Variants in RPSA2 observed in about 807,000 individuals in gnomAD.
The protein encoded by RPSA2 is small ribosomal subunit protein uS2B.
chr19:23,829,611 A>T, the RPSA2 span, among the ~76,000 whole-genome samples: 3 of 152,206 alleles, frequency 2.0e-5, no homozygotes, highest in African/African-American at 7.2e-5. Flanking sequence ...TCTTTTGTGT[A>T]TTTATACAAA....
chr19:23,869,703 A>T, the RPSA2 span, among the ~76,000 whole-genome samples: 1 of 151,972 alleles, frequency 6.6e-6, no homozygotes, highest in Admixed American at 6.6e-5. Flanking sequence ...GCTTTAGCAC[A>T]CCTCTTCCTC....
chr19:23,847,291 G>T, the RPSA2 span, among the ~76,000 whole-genome samples: 6 of 150,024 alleles, frequency 4.0e-5, no homozygotes, highest in East Asian at 9.8e-4. Flanking sequence ...TTTTATATTG[G>T]TTTTCAGATT....
At chr19:23,817,040 A>G in the RPSA2 span, among the ~76,000 whole-genome samples, 1 of 151,288 alleles carries the variant, frequency 6.6e-6, no homozygotes, top group East Asian at 1.9e-4. Context: ...GACAACTTCA[A>G]TTGAATATAA....
the RPSA2 span, among the ~76,000 whole-genome samples, chr19:23,830,079 T>C: frequency 6.6e-6 from 1 of 151,546 alleles, no homozygotes; most frequent in African/African-American, 2.4e-5. Flanking sequence ...GCAGGATAGA[T>C]TCACTGATGG....
At chr19:23,822,808 A>AG in the RPSA2 span, among the ~76,000 whole-genome samples, 17 of 152,074 alleles carry the variant, frequency 1.1e-4, no homozygotes, top group African/African-American at 3.9e-4. Context: ...GTGCATAGGG[A>AG]GGAGGGGTTT....
chr19:23,789,779 G>A, the RPSA2 span, among the ~76,000 whole-genome samples: 1 of 151,268 alleles, frequency 6.6e-6, no homozygotes, highest in Non-Finnish European at 1.5e-5. Flanking sequence ...GCACACTCTC[G>A]GCTAACTGCA....
chr19:23,827,393 T>A, the RPSA2 span: 2 of 1,466,098 alleles, frequency 1.4e-6, no homozygotes, highest in Non-Finnish European at 1.9e-6. Context: ...CAGTGTTATA[T>A]CCTCCAGGAA....
chr19:23,806,220 T>G, the RPSA2 span, among the ~76,000 whole-genome samples: 1 of 151,948 alleles, frequency 6.6e-6, no homozygotes, highest in African/African-American at 2.4e-5. Flanking sequence ...AATTTTTGTA[T>G]TTTTAGTAGA....
the RPSA2 span, among the ~76,000 whole-genome samples, chr19:23,822,500 G>A: frequency 1.3e-5 from 2 of 152,130 alleles, no homozygotes; most frequent in Non-Finnish European, 2.9e-5. Flanking sequence ...TGTAGGAGGG[G>A]GTATGATGTT....
chr19:23,812,094 C>T, the RPSA2 span, among the ~76,000 whole-genome samples: 2 of 152,108 alleles, frequency 1.3e-5, no homozygotes, highest in Non-Finnish European at 2.9e-5. Context: ...ATGTTGCCAA[C>T]TAGATTTTAT....
the RPSA2 span, among the ~76,000 whole-genome samples, chr19:23,855,113 C>T: frequency 6.6e-6 from 1 of 152,164 alleles, no homozygotes; most frequent in Non-Finnish European, 1.5e-5. Context: ...AGCTCTCATA[C>T]ACAACTTTGT....
the RPSA2 span, among the ~76,000 whole-genome samples, chr19:23,856,907 G>A: frequency 5.9e-5 from 9 of 152,144 alleles, no homozygotes; most frequent in South Asian, 2.1e-4. Flanking sequence ...TCTATGTTCA[G>A]CGGTGCACGT....
At chr19:23,841,863 G>T in the RPSA2 span, among the ~76,000 whole-genome samples, 3 of 152,174 alleles carry the variant, frequency 2.0e-5, no homozygotes, top group Non-Finnish European at 4.4e-5. Context: ...ACTGAGTCAG[G>T]CTGAACCAGA....
chr19:23,822,125 G>T, the RPSA2 span, among the ~76,000 whole-genome samples: 1 of 152,136 alleles, frequency 6.6e-6, no homozygotes, highest in Non-Finnish European at 1.5e-5. Flanking sequence ...CATAAAACTG[G>T]CTAGGGCTCC....
At chr19:23,778,357 C>G in the RPSA2 span, among the ~76,000 whole-genome samples, 1 of 152,140 alleles carries the variant, frequency 6.6e-6, no homozygotes, top group African/African-American at 2.4e-5. Context: ...GGATTACAGG[C>G]CTGCACCACC....
At chr19:23,807,240 G>C in the RPSA2 span, among the ~76,000 whole-genome samples, 1 of 152,038 alleles carries the variant, frequency 6.6e-6, no homozygotes, top group African/African-American at 2.4e-5. Flanking sequence ...TTGTTTACAG[G>C]CCAGAAAAAC....
the RPSA2 span, among the ~76,000 whole-genome samples, chr19:23,792,526 A>G: frequency 2.0e-5 from 3 of 151,978 alleles, no homozygotes; most frequent in Admixed American, 1.3e-4. Context: ...TATATAAAAA[A>G]TTGAATTTCG....
At chr19:23,770,884 A>C in the RPSA2 span, among the ~76,000 whole-genome samples, 1 of 152,180 alleles carries the variant, frequency 6.6e-6, no homozygotes, top group Non-Finnish European at 1.5e-5. Flanking sequence ...CGGTGATGTG[A>C]GTCTACTGGT....
chr19:23,831,890 G>A, the RPSA2 span: 1 of 296,620 alleles, frequency 3.4e-6, no homozygotes, highest in Non-Finnish European at 7.1e-6. Flanking sequence ...CCTTTCAAAT[G>A]TCAAAAATGT....
Sources: allele counts gnomAD v4.1 joint callset (sites outside exome capture counted in the v4.1 genomes callset), GRCh38; gene constraint gnomAD v4.1.1; transcripts MANE v1.5; gene names NCBI Gene and HGNC (gene_info 2026-07-23, HGNC 2026-07-21).